GPR139: variants seen among roughly 807,000 people sequenced by gnomAD.
The protein encoded by GPR139 is probable G protein-coupled receptor 139.
In GPR139, 12 loss-of-function variants were observed where a neutral mutation model predicts 25.8. The ratio of observed to expected loss-of-function variants is 0.47; its 90% confidence interval spans 0.30 to 0.75. The LOEUF (loss-of-function observed/expected upper bound fraction) is 0.75. GPR139 is among the 30% of genes least tolerant of loss of function. The pLI is 0.07. For missense variants in GPR139, 380 were observed against 450.2 expected (o/e 0.84, Z 1.41); for synonymous variants, 184 against 179.9 (o/e 1.02, Z -0.18).
At chr16:20,037,055 G>T (rs964707463) in intron 1 of GPR139, among the ~76,000 whole-genome samples, 10 of 152,186 alleles carry the variant, frequency 6.6e-5, no homozygotes, top group African/African-American at 2.2e-4. Flanking sequence ...ATGCACAACA[G>T]AATGTCAGAT....
intron 1 of GPR139, among the ~76,000 whole-genome samples, chr16:20,068,663 G>A (rs1231385552): frequency 1.5e-4 from 23 of 152,158 alleles, no homozygotes; most frequent in Admixed American, 1.5e-3. Context: ...TAGGAGTGGT[G>A]AGAGCAGTCA....
At chr16:20,052,721 G>A (rs985378792) in intron 1 of GPR139, among the ~76,000 whole-genome samples, 3 of 151,296 alleles carry the variant, frequency 2.0e-5, no homozygotes, top group African/African-American at 7.3e-5. Context: ...GGCGTGAACC[G>A]GGGAGGCGGA....
chr16:20,054,577 G>A (rs976333011), intron 1 of GPR139, among the ~76,000 whole-genome samples: 4 of 152,040 alleles, frequency 2.6e-5, no homozygotes, highest in African/African-American at 4.8e-5. Flanking sequence ...GTTTTACAAC[G>A]TTCTTTTTTT....
At chr16:20,072,750 G>A (rs1261880618) in intron 1 of GPR139, among the ~76,000 whole-genome samples, 2 of 152,278 alleles carry the variant, frequency 1.3e-5, no homozygotes, top group East Asian at 1.9e-4. Flanking sequence ...CACAGCAGCC[G>A]TGAGCTGCCC....
chr16:20,051,347 G>A (rs72772729), intron 1 of GPR139, among the ~76,000 whole-genome samples: 12,409 of 152,258 alleles, frequency 0.081, 594 homozygotes, highest in Non-Finnish European at 0.11. Flanking sequence ...CGGGATCTGG[G>A]TGTCCAAGAA....
chr16:20,060,284 T>G (rs1405027234), intron 1 of GPR139, among the ~76,000 whole-genome samples: 1 of 151,766 alleles, frequency 6.6e-6, no homozygotes, highest in Non-Finnish European at 1.5e-5. Context: ...CATGTGTGCA[T>G]CTGTGTGTCT....
chr16:20,068,810 T>G (rs1234890307), intron 1 of GPR139, among the ~76,000 whole-genome samples: 2 of 152,190 alleles, frequency 1.3e-5, no homozygotes, highest in Admixed American at 1.3e-4. Context: ...TTGATGAGTT[T>G]TTATCACAAA....
chr16:20,067,085 T>A (rs572163974), intron 1 of GPR139, among the ~76,000 whole-genome samples: 1 of 152,204 alleles, frequency 6.6e-6, no homozygotes, highest in Non-Finnish European at 1.5e-5. Flanking sequence ...AGAAACAGAA[T>A]TTAAATCCAC....
rs1380967335 is a variant in GPR139 at position 20,028,769 on chromosome 16, T to G, written c.*2966A>C. Among the ~76,000 whole-genome samples, 1 of 152,168 alleles carries G rather than the reference T, an allele frequency of 6.6e-6. No homozygotes were observed. Among genetic ancestry groups the G allele is most frequent in the African/African-American group, 2.4e-5 (1 of 41,426 alleles). On this transcript the variant is annotated 3_prime_UTR_variant, in exon 2 of 2. Coordinates refer to ENST00000570682, the MANE Select transcript of GPR139 (RefSeq NM_001002911.4). Reference sequence around the variant, plus strand: ...ACAGCATGGTGGTGCGTATCATCATTGCAATGTCCAACCAAGGACACAAAT... The same window carrying G: ...ACAGCATGGTGGTGCGTATCATCATGGCAATGTCCAACCAAGGACACAAAT...
rs371314416 is a variant in GPR139, at chr16:20,072,882, G to C, written c.127+608C>G. ...TGTCTCTGCACCCTTGCCCTGGCCA[G>C]GGCATGGTCCCAGAGCCAACCCCTG... On this transcript the variant is annotated intron_variant, in intron 1 of 1. Coordinates refer to ENST00000570682, the MANE Select transcript of GPR139 (RefSeq NM_001002911.4). Among the ~76,000 whole-genome samples the C allele has an allele frequency of 5.9e-5, 9 of 152,308 alleles. No individual in the cohort carries two copies. In the East Asian group the frequency reaches 1.5e-3, roughly 26 times the overall value.
intron 1 of GPR139, among the ~76,000 whole-genome samples, chr16:20,069,018 T>C (rs1215117912): frequency 6.6e-6 from 1 of 152,160 alleles, no homozygotes; most frequent in Non-Finnish European, 1.5e-5. Flanking sequence ...CTGGATTAGA[T>C]TTGCTAATAT....
intron 1 of GPR139, among the ~76,000 whole-genome samples, chr16:20,057,251 G>A (rs930467016): frequency 3.3e-5 from 5 of 152,112 alleles, no homozygotes; most frequent in Admixed American, 6.6e-5. Flanking sequence ...TTTACTTCTC[G>A]AAGCCTTAGT....
rs2057305422 is a variant in GPR139 at position 20,035,137 on chromosome 16, C to A, written c.128-2468G>T. ...TATGAGAATTCCAGTTGCTCCATAT[C>A]CTCTCAGTATTACCAGTTTTTTTTT... On this transcript the variant is annotated intron_variant, in intron 1 of 1. Coordinates refer to ENST00000570682, the MANE Select transcript of GPR139 (RefSeq NM_001002911.4). Among the ~76,000 whole-genome samples, 2 of 152,130 alleles carry A rather than the reference C, an allele frequency of 1.3e-5. 1 individual carries two copies. The highest frequency in any genetic ancestry group is 4.8e-5 in the African/African-American group (2 of 41,416).
intron 1 of GPR139, among the ~76,000 whole-genome samples, chr16:20,050,466 AG>A (rs2141208341): frequency 6.6e-6 from 1 of 152,264 alleles, no homozygotes; most frequent in South Asian, 2.1e-4. Flanking sequence ...TATAAACTGG[AG>A]TATTTCATAT....
chr16:20,073,653 G>A lies in GPR139; in HGVS notation c.-37C>T, dbSNP rs2057469299. The A allele has an allele frequency of 3.9e-6, 6 of 1,527,686 alleles. No individual in the cohort carries two copies. Among genetic ancestry groups the A allele is most frequent in the South Asian group, 3.7e-5 (3 of 80,270 alleles). The allele number at this position is 1,527,686 out of a possible 1,614,324, so 94.6% of individuals were successfully genotyped here. A position where few individuals can be genotyped will look rare whatever the true frequency, so the allele number is the denominator to read the frequency against. ...TCGCTCCCCTTGCCGCTTCGCGCCC[G>A]GCCTGCCAGCCCGACTCTGGTCGCC... is the stretch of plus-strand genomic sequence containing the variant. On this transcript the variant is annotated 5_prime_UTR_variant, in exon 1 of 2. Transcript: ENST00000570682. The surrounding 1 kb of genome is among the most constrained non-coding windows in gnomAD (Gnocchi z 4.7).
intron 1 of GPR139, among the ~76,000 whole-genome samples, chr16:20,063,172 C>T (rs1416992975): frequency 2.0e-5 from 3 of 152,196 alleles, no homozygotes; most frequent in Non-Finnish European, 2.9e-5. Flanking sequence ...TTCTATTGGA[C>T]GGCACGTGTA....
At chr16:20,050,054 T>C (rs1400177268) in intron 1 of GPR139, among the ~76,000 whole-genome samples, 3 of 152,170 alleles carry the variant, frequency 2.0e-5, no homozygotes, top group African/African-American at 7.2e-5. Context: ...GAAGAACCAG[T>C]TTCTGCCCTC....
chr16:20,056,930 C>A (rs2057390461), intron 1 of GPR139, among the ~76,000 whole-genome samples: 1 of 152,122 alleles, frequency 6.6e-6, no homozygotes, highest in Admixed American at 6.5e-5. Context: ...AGGAAATTCA[C>A]CTACCTGTCC....
At chr16:20,068,646 T>G (rs1169533164) in intron 1 of GPR139, among the ~76,000 whole-genome samples, 1 of 152,176 alleles carries the variant, frequency 6.6e-6, no homozygotes, top group Non-Finnish European at 1.5e-5. Flanking sequence ...TCCAGTATGA[T>G]GTTTAATAGG....
Sources: gnomAD v4.1 joint callset for allele counts (sites outside exome capture counted in the v4.1 genomes callset) on GRCh38, gnomAD v4.1.1 for gene constraint, Gnocchi (gnomAD v3.1) non-coding constraint, MANE v1.5 for transcripts, NCBI Gene and HGNC (gene_info 2026-07-23, HGNC 2026-07-21) for gene names.